Variants in NCAM2 observed in about 807,000 individuals in gnomAD.
The protein encoded by NCAM2 is neural cell adhesion molecule 2.
A neutral mutation model predicts 98.1 loss-of-function variants in NCAM2; 30 were observed. That is an observed-to-expected ratio of 0.31 (90% confidence interval 0.23 to 0.41). NCAM2 has a LOEUF of 0.41. Ranked by LOEUF, NCAM2 falls within the 10% of genes least tolerant of loss-of-function variation. The probability of loss-of-function intolerance (pLI) is 1.00; values close to 1 mark genes in which losing one functional copy is unlikely to be tolerated. For missense variants in NCAM2, 867 were observed against 1,005.8 expected (o/e 0.86, Z 1.87); for synonymous variants, 368 against 342.4 (o/e 1.07, Z -0.83).
At chr21:21,078,345 C>T (rs1734416450) in intron 1 of NCAM2, among the ~76,000 whole-genome samples, 1 of 152,122 alleles carries the variant, frequency 6.6e-6, no homozygotes, top group South Asian at 2.1e-4. Context: ...GCAGATGTAG[C>T]CAAAGGTGAA....
chr21:21,111,896 A>G (rs1461594875), intron 1 of NCAM2, among the ~76,000 whole-genome samples: 1 of 152,148 alleles, frequency 6.6e-6, no homozygotes, highest in Non-Finnish European at 1.5e-5. Context: ...TTTCAGTATT[A>G]TATTCATTAG....
chr21:21,326,131 A>G (rs754885191), intron 6 of NCAM2, among the ~76,000 whole-genome samples: 3 of 152,172 alleles, frequency 2.0e-5, no homozygotes, highest in Non-Finnish European at 4.4e-5. Flanking sequence ...CCTGACGTGC[A>G]CTTCATCATT....
At chr21:21,253,723 C>T (rs2071557292) in intron 1 of NCAM2, among the ~76,000 whole-genome samples, 1 of 152,092 alleles carries the variant, frequency 6.6e-6, no homozygotes. Context: ...CTAAAATTAA[C>T]CAAAATTTAG....
chr21:21,385,713 A>G, intron 9 of NCAM2: 2 of 1,232,610 alleles, frequency 1.6e-6, no homozygotes, highest in South Asian at 1.3e-5. Context: ...AACAAAGGAG[A>G]AAACAGGCAT....
Position 21,345,063 on chromosome 21 carries a change from T to C in NCAM2, c.1044+6529T>C, listed in dbSNP as rs376375799. Among the ~76,000 whole-genome samples the C allele has an allele frequency of 2.0e-4, 30 of 152,252 alleles. No homozygotes were observed. In the East Asian group the frequency reaches 4.5e-3, roughly 23 times the overall value. ...CTATGAGTCTGCAAGAACCTCAACA[T>C]TACTGGGCTTTGGGTCCCTCTAAAG... On this transcript the variant is annotated intron_variant, in intron 8 of 17. Transcript: ENST00000400546.
intron 12 of NCAM2, among the ~76,000 whole-genome samples, chr21:21,456,053 T>C (rs550293156): frequency 6.6e-6 from 1 of 152,248 alleles, no homozygotes; most frequent in South Asian, 2.1e-4. Context: ...TGCGTTGATC[T>C]CAAATCTTGT....
chr21:21,057,418 C>T (rs2065233605), intron 1 of NCAM2, among the ~76,000 whole-genome samples: 1 of 152,064 alleles, frequency 6.6e-6, no homozygotes, highest in African/African-American at 2.4e-5. Flanking sequence ...ATGACACTTC[C>T]ATTTTAAAGA....
At chr21:21,347,420 T>C (rs2147922320) in intron 8 of NCAM2, among the ~76,000 whole-genome samples, 1 of 152,044 alleles carries the variant, frequency 6.6e-6, no homozygotes, top group South Asian at 2.1e-4. Flanking sequence ...CAAATTATAC[T>C]ACAGAGCTAT....
chr21:21,009,882 G>GGTGTGTGTGTGT (rs748587441), intron 1 of NCAM2, among the ~76,000 whole-genome samples: 19 of 51,786 alleles, frequency 3.7e-4, no homozygotes, highest in South Asian at 7.6e-4. Flanking sequence ...GCCTCTGATA[G>GGTGTGTGTGTGT]CTGTGTGTGT....
intron 1 of NCAM2, among the ~76,000 whole-genome samples, chr21:21,227,653 G>A (rs1488937429): frequency 2.0e-5 from 3 of 151,708 alleles, no homozygotes; most frequent in South Asian, 2.1e-4. Context: ...AATAAAACGA[G>A]GTGGTTTATT....
chr21:21,104,554 CAGTT>C (rs72225638), intron 1 of NCAM2, among the ~76,000 whole-genome samples: 7,228 of 152,080 alleles, frequency 0.048, 207 homozygotes, highest in African/African-American at 0.075. Context: ...GAGAATGAGA[CAGTT>C]AGTCAGTAAA....
intron 1 of NCAM2, among the ~76,000 whole-genome samples, chr21:21,033,570 C>A (rs756064752): frequency 1.3e-5 from 2 of 151,902 alleles, no homozygotes; most frequent in Non-Finnish European, 2.9e-5. Flanking sequence ...ACCTCCCCCC[C>A]AAAACAATGG....
intron 1 of NCAM2, among the ~76,000 whole-genome samples, chr21:21,149,285 A>C (rs1380113022): frequency 6.6e-6 from 1 of 152,216 alleles, no homozygotes; most frequent in Non-Finnish European, 1.5e-5. Context: ...CATTGAATCT[A>C]TAGGTCAACT....
intron 1 of NCAM2, among the ~76,000 whole-genome samples, chr21:21,069,485 T>C (rs184196424): frequency 6.6e-6 from 1 of 152,274 alleles, no homozygotes; most frequent in African/African-American, 2.4e-5. Context: ...AAATGTTTTC[T>C]GTCATAGACT....
intron 8 of NCAM2, among the ~76,000 whole-genome samples, chr21:21,357,006 T>TAAAG (rs1405660358): frequency 2.0e-5 from 3 of 151,138 alleles, no homozygotes; most frequent in Non-Finnish European, 4.4e-5. Flanking sequence ...AATAAATAAA[T>TAAAG]AAATAAATAA....
chr21:21,460,369 C>G (rs1982789759), intron 12 of NCAM2, among the ~76,000 whole-genome samples: 1 of 151,824 alleles, frequency 6.6e-6, no homozygotes, highest in South Asian at 2.1e-4. Context: ...TTCTGAGCCT[C>G]CCTTTACTGG....
chr21:21,298,989 A>G (rs140555451), intron 5 of NCAM2, among the ~76,000 whole-genome samples: 136 of 151,480 alleles, frequency 9.0e-4, no homozygotes, highest in Non-Finnish European at 1.4e-3. Flanking sequence ...TTTGATGAGT[A>G]CAGAAGTGAA....
chr21:21,332,881 C>G (rs1409009140), intron 6 of NCAM2, among the ~76,000 whole-genome samples: 1 of 152,128 alleles, frequency 6.6e-6, no homozygotes, highest in Non-Finnish European at 1.5e-5. Flanking sequence ...TATGTATAGC[C>G]AGTGTTTTTG....
At chr21:21,230,949 G>C (rs927081994) in intron 1 of NCAM2, among the ~76,000 whole-genome samples, 1 of 151,310 alleles carries the variant, frequency 6.6e-6, no homozygotes, top group South Asian at 2.1e-4. Flanking sequence ...GAGATAATGA[G>C]AGATATGTAG....
Sources: allele counts gnomAD v4.1 joint callset (sites outside exome capture counted in the v4.1 genomes callset), GRCh38; gene constraint gnomAD v4.1.1; transcripts MANE v1.5; gene names NCBI Gene and HGNC (gene_info 2026-07-23, HGNC 2026-07-21).